The following CFTR variants were observed in gnomAD, a reference collection of about 807,000 sequenced individuals.
CFTR encodes cystic fibrosis transmembrane conductance regulator.
In CFTR, 181 loss-of-function variants were observed where a neutral mutation model predicts 171.6. The ratio of observed to expected loss-of-function variants is 1.05; its 90% CI spans 0.93 to 1.19. CFTR has a LOEUF of 1.19. CFTR is among the 50% of genes most tolerant of loss of function. The pLI, the probability that CFTR is intolerant of heterozygous loss-of-function variation, is 0.00. For missense variants in CFTR, 1,968 were observed against 1,734.7 expected (o/e 1.13, Z -2.39); for synonymous variants, 583 against 608.0 (o/e 0.96, Z 0.60).
chr7:117,579,252 A>T (rs1791816723), intron 11 of CFTR, among the ~76,000 whole-genome samples: 1 of 152,032 alleles, frequency 6.6e-6, no homozygotes, highest in Non-Finnish European at 1.5e-5. Context: ...CATAATTTTT[A>T]ATAAAATTTT....
intron 11 of CFTR, among the ~76,000 whole-genome samples, chr7:117,577,351 T>TTG (rs1303507144): frequency 6.6e-6 from 1 of 152,102 alleles, no homozygotes; most frequent in Non-Finnish European, 1.5e-5. Flanking sequence ...ATTTTTTGTT[T>TTG]TGTGTTGTTT....
intron 11 of CFTR, among the ~76,000 whole-genome samples, chr7:117,572,890 T>C (rs1791715389): frequency 6.6e-6 from 1 of 152,146 alleles, no homozygotes; most frequent in African/African-American, 2.4e-5. Context: ...AGCATCTATA[T>C]TGTCAAGGTT....
At chr7:117,575,655 C>T (rs1489192845) in intron 11 of CFTR, among the ~76,000 whole-genome samples, 1 of 152,076 alleles carries the variant, frequency 6.6e-6, no homozygotes, top group Non-Finnish European at 1.5e-5. Context: ...GCCAAACCTT[C>T]CTTAGACTGC....
intron 9 of CFTR, among the ~76,000 whole-genome samples, chr7:117,544,226 C>A (rs1165098436): frequency 1.5e-3 from 236 of 152,302 alleles, no homozygotes; most frequent in South Asian, 0.012. Flanking sequence ...GAAGGAAGTG[C>A]TATCTGGGTA....
intron 22 of CFTR, among the ~76,000 whole-genome samples, chr7:117,641,731 C>T (rs546296414): frequency 1.3e-5 from 2 of 152,290 alleles, no homozygotes; most frequent in African/African-American, 2.4e-5. Flanking sequence ...GGTGCTCTCA[C>T]GTCTATGCTA....
chr7:117,583,315 C>A (rs1198340036), intron 11 of CFTR, among the ~76,000 whole-genome samples: 1 of 138,608 alleles, frequency 7.2e-6, no homozygotes, highest in Non-Finnish European at 1.5e-5. Context: ...AGTCTTTTAT[C>A]CCCCCCCCGC....
intron 3 of CFTR, among the ~76,000 whole-genome samples, chr7:117,530,383 A>G (rs28415076): frequency 0.11 from 16,365 of 152,138 alleles, 2,927 homozygotes; most frequent in African/African-American, 0.37. Flanking sequence ...ATGCCATTGC[A>G]CAAAACACTT....
chr7:117,490,312 TACAC>T (rs3034759), intron 1 of CFTR, among the ~76,000 whole-genome samples: 1,940 of 136,846 alleles, frequency 0.014, 17 homozygotes, highest in African/African-American at 0.019. Context: ...GAACCAATGA[TACAC>T]ACACACACAC....
At chr7:117,518,586 A>G (rs182420232) in intron 3 of CFTR, among the ~76,000 whole-genome samples, 3,329 of 146,176 alleles carry the variant, frequency 0.023, 77 homozygotes, top group Non-Finnish European at 0.024. Flanking sequence ...ATATATATAT[A>G]TATGTGTGTT....
intron 16 of CFTR, 56 bp from the exon 17 acceptor site, chr7:117,603,476 G>T: frequency 6.2e-7 from 1 of 1,605,492 alleles, no homozygotes; most frequent in Admixed American, 1.7e-5. Context: ...TACATGTATT[G>T]GAAATTCAGT....
At chr7:117,601,733 A>G (rs1383944100) in intron 15 of CFTR, among the ~76,000 whole-genome samples, 2 of 152,190 alleles carry the variant, frequency 1.3e-5, no homozygotes, top group Admixed American at 1.3e-4. Context: ...TGTCATTTCT[A>G]ATATTCCAAT....
intron 8 of CFTR, among the ~76,000 whole-genome samples, chr7:117,541,641 A>T (rs1668898654): frequency 9.5e-6 from 1 of 104,986 alleles, no homozygotes; most frequent in African/African-American, 7.1e-5. Flanking sequence ...TATTAAGATG[A>T]AGACATTCAT....
intron 3 of CFTR, among the ~76,000 whole-genome samples, chr7:117,529,506 T>TA (rs1554379514): frequency 1.8e-5 from 2 of 109,700 alleles, no homozygotes; most frequent in South Asian, 2.8e-4. Flanking sequence ...CCCTAAAACT[T>TA]AGAGTATAAA....
chr7:117,535,109 C>A, intron 5 of CFTR, 139 bp from the exon 6 acceptor site: 1 of 876,866 alleles, frequency 1.1e-6, no homozygotes, highest in Non-Finnish European at 1.9e-6. Context: ...TAATGATTAC[C>A]TAGATTTTAG....
At chr7:117,524,602 A>AT (rs764647444) in intron 3 of CFTR, among the ~76,000 whole-genome samples, 10 of 152,168 alleles carry the variant, frequency 6.6e-5, no homozygotes, top group Non-Finnish European at 1.3e-4. Context: ...TTAATTGTAC[A>AT]TTTTCCTAAT....
chr7:117,500,206 T>G (rs1265890672), intron 1 of CFTR, among the ~76,000 whole-genome samples: 1 of 152,122 alleles, frequency 6.6e-6, no homozygotes, highest in African/African-American at 2.4e-5. Context: ...TGTCTGGTTT[T>G]TTTTTGTATT....
Position 117,548,611 on chromosome 7 carries a change from T to G in CFTR, c.1210-30T>G, listed in dbSNP as rs1334219891. On this transcript the variant is annotated intron_variant, in intron 9 of 26. Transcript: ENST00000003084. ...AAACTCATCTTTTATTTTTGATGTG[T>G]GTGTGTGTGTGTGTGTGTTTTTTTA... The G allele has an allele frequency of 3.1e-6, 5 of 1,589,368 alleles. No homozygotes were observed. The highest frequency in any genetic ancestry group is 4.3e-6 in the Non-Finnish European group (5 of 1,161,242).
intron 13 of CFTR, 39 bp downstream of exon 13, chr7:117,590,478 A>AAAATAAAAG (rs1562907296): frequency 6.3e-7 from 1 of 1,577,036 alleles, no homozygotes; most frequent in East Asian, 2.3e-5. Context: ...TGCTCATGCT[A>AAAATAAAAG]AAATAAAAGA....
At chr7:117,569,462 T>G (rs1791654857) in intron 11 of CFTR, among the ~76,000 whole-genome samples, 1 of 151,814 alleles carries the variant, frequency 6.6e-6, no homozygotes. Context: ...AACCCGATAA[T>G]CAAAAATAGA....
Sources: gnomAD v4.1 joint callset for allele counts (sites outside exome capture counted in the v4.1 genomes callset) on GRCh38, gnomAD v4.1.1 for gene constraint, MANE v1.5 for transcripts, NCBI Gene and HGNC (gene_info 2026-07-23, HGNC 2026-07-21) for gene names.